Variants in PALS1 observed in about 807,000 individuals in gnomAD.
PALS1 encodes the protein protein PALS1.
A neutral mutation model predicts 78.9 loss-of-function variants in PALS1; 31 were observed. That is an observed-to-expected ratio of 0.39 (90% CI 0.30 to 0.53). The LOEUF is 0.53. Ranked by LOEUF, PALS1 falls within the 20% of genes least tolerant of loss-of-function variation. The probability of loss-of-function intolerance (pLI) is 0.67; values close to 1 mark genes in which losing one functional copy is unlikely to be tolerated. For missense variants in PALS1, 704 were observed against 826.5 expected (o/e 0.85, Z 1.82); for synonymous variants, 276 against 270.9 (o/e 1.02, Z -0.18).
intron 4 of PALS1, among the ~76,000 whole-genome samples, chr14:67,296,069 G>A (rs1240683222): frequency 2.6e-5 from 4 of 152,204 alleles, no homozygotes; most frequent in South Asian, 2.1e-4. Context: ...CAACAGCACC[G>A]AGATGTGCCT....
At chr14:67,298,730 A>G (rs1171471384) in intron 4 of PALS1, among the ~76,000 whole-genome samples, 1 of 152,192 alleles carries the variant, frequency 6.6e-6, no homozygotes, top group Non-Finnish European at 1.5e-5. Flanking sequence ...GTATTTTGAC[A>G]TATATGTACA....
At chr14:67,249,318 A>G (rs2140430759) in intron 1 of PALS1, among the ~76,000 whole-genome samples, 1 of 152,336 alleles carries the variant, frequency 6.6e-6, no homozygotes, top group South Asian at 2.1e-4. Flanking sequence ...AATTGTAGTA[A>G]TGTAGTAAAA....
intron 9 of PALS1, among the ~76,000 whole-genome samples, chr14:67,315,291 T>A (rs1283613621): frequency 6.8e-6 from 1 of 147,030 alleles, no homozygotes; most frequent in African/African-American, 2.5e-5. Context: ...TTTTTTTTTT[T>A]TTTGAGACAA....
At chr14:67,249,495 A>T (rs1273772050) in intron 1 of PALS1, among the ~76,000 whole-genome samples, 1 of 152,252 alleles carries the variant, frequency 6.6e-6, no homozygotes, top group African/African-American at 2.4e-5. Context: ...ATATTCACTT[A>T]TTCACTTTTT....
Position 67,258,650 on chromosome 14 carries a change from G to A in PALS1, c.-236-11051G>A, listed in dbSNP as rs193241479. Among the ~76,000 whole-genome samples the A allele has an allele frequency of 4.5e-4, 68 of 152,246 alleles. 2 individuals carry two copies. The highest frequency in any genetic ancestry group is 1.6e-3 in the African/African-American group (68 of 41,554). The stretch of plus-strand genomic sequence containing the variant: ...TTGCCCAGGCCGGTCTTGAACTCCT[G>A]GACTCAAGTGATCCACCTGCCTCGG... On this transcript the variant is annotated intron_variant, in intron 1 of 14. Coordinates refer to ENST00000261681, the MANE Select transcript of PALS1 (RefSeq NM_022474.4).
At chr14:67,320,522 T>C in intron 12 of PALS1, 125 bp downstream of exon 12, 1 of 880,632 alleles carries the variant, frequency 1.1e-6, no homozygotes, top group East Asian at 2.9e-5. Flanking sequence ...AAGAGGAACT[T>C]TAACCAAAGA....
intron 3 of PALS1, among the ~76,000 whole-genome samples, chr14:67,280,859 CCCTCCCTCCCTCCCTCCCTCCCT>C: frequency 7.7e-6 from 1 of 129,216 alleles, no homozygotes; most frequent in African/African-American, 2.9e-5. Flanking sequence ...TTCCTTCCCT[CCCTCCCTCCCTCCCTCCCTCCCT>C]TTTCTTTCTT....
rs36207191 is a variant in PALS1 at position 67,284,547 on chromosome 14, TAAAAAA to T, written c.367+5046_367+5051del. 0.014 allele frequency among the ~76,000 whole-genome samples: 324 copies of T among 23,290 alleles called. 20 individuals are homozygous for T. In the South Asian group the frequency reaches 0.21, roughly 15 times the overall value. The allele number at this position is 23,290 out of a possible 152,430, so 15.3% of individuals were successfully genotyped here. ...GCCCAGGAGATCGAGGCTGCAGTGCTAAAAAAAAAAAAAAAAAAAAAAAAAAAAAAA... is the reference window on the plus strand; with the variant it reads ...GCCCAGGAGATCGAGGCTGCAGTGCTAAAAAAAAAAAAAAAAAAAAAAAAA... On this transcript the variant is annotated intron_variant, in intron 3 of 14. Coordinates refer to ENST00000261681, the MANE Select transcript of PALS1 (RefSeq NM_022474.4).
At chr14:67,269,914 C>G (rs2084383740) in intron 2 of PALS1, 131 bp downstream of exon 2, 1 of 152,276 alleles carries the variant, frequency 6.6e-6, no homozygotes, top group African/African-American at 2.4e-5. Context: ...TTCCCAGCTG[C>G]TGGTCAAAGG....
Position 67,323,789 on chromosome 14 carries a change from G to T in PALS1, c.1828G>T (p.Ala610Ser), listed in dbSNP as rs1215310510. 2.5e-6 allele frequency: 4 copies of T among 1,581,310 alleles called. 1 individual carries two copies. The highest frequency in any genetic ancestry group is 1.8e-5 in the Admixed American group (1 of 55,644). Residue 610 changes from alanine to serine, a missense_variant, in exon 14 of 15, where the codon GCC (alanine) becomes TCC (serine). Physicochemically the swap from Ala to Ser is moderately conservative, Grantham distance 99. Coordinates refer to ENST00000261681, the MANE Select transcript of PALS1 (RefSeq NM_022474.4). ...PSQERLRALL[A>S]KEGKNPKPEE... The stretch of plus-strand genomic sequence containing the variant: ...ACAAGAAAGACTTCGGGCATTATTG[G>T]CCAAAGAAGGCAAGAATCCAAAGGT...
chr14:67,320,105 C>G (rs1047132857), intron 11 of PALS1, 125 bp from the exon 12 acceptor site: 1 of 708,610 alleles, frequency 1.4e-6, no homozygotes, highest in Non-Finnish European at 2.2e-6. Context: ...TCATGATACC[C>G]TAGCAAGGAT....
chr14:67,299,482 A>G (rs1005130482), intron 4 of PALS1, among the ~76,000 whole-genome samples: 4 of 152,212 alleles, frequency 2.6e-5, no homozygotes, highest in African/African-American at 9.6e-5. Flanking sequence ...TTAGTTTTAA[A>G]ATACAAAAGG....
intron 14 of PALS1, among the ~76,000 whole-genome samples, chr14:67,324,353 CTT>C (rs1289438206): frequency 6.6e-6 from 1 of 152,100 alleles, no homozygotes; most frequent in East Asian, 1.9e-4. Context: ...ACAGCATTGA[CTT>C]TTTATTTAAA....
In PALS1 at chr14:67,321,068, A is replaced by C. The variant is rs2085255721; in HGVS notation, c.1549A>C (p.Ser517Arg). ...TTTTGTTTGCCTAGATACAACCCGG[A>C]GTAGGCGAGACCAAGAAGTAGCCGG... is the stretch of plus-strand genomic sequence containing the variant. ...FASAVPHTTR[S>R]RRDQEVAGRD... Residue 517 changes from serine (S) to arginine (R), a missense_variant, in exon 13 of 15, where the codon AGT becomes CGT. Physicochemically the swap from Ser to Arg is moderately radical, Grantham distance 110. Coordinates refer to ENST00000261681, the MANE Select transcript of PALS1 (RefSeq NM_022474.4). 6.2e-7 allele frequency: 1 copy of C among 1,614,026 alleles called. No individual in the cohort carries two copies.
intron 11 of PALS1, 84 bp from the exon 12 acceptor site, chr14:67,320,145 AT>A: frequency 1.5e-6 from 2 of 1,301,856 alleles, no homozygotes. Context: ...CTTTTGTCTA[AT>A]TTTGGGTGAA....
intron 3 of PALS1, among the ~76,000 whole-genome samples, chr14:67,284,995 C>T (rs2084664566): frequency 6.6e-6 from 1 of 152,042 alleles, no homozygotes; most frequent in African/African-American, 2.4e-5. Flanking sequence ...AAGTGATCCT[C>T]CCACCGTGGC....
At chr14:67,316,998 C>A in intron 10 of PALS1, 95 bp downstream of exon 10, 1 of 959,082 alleles carries the variant, frequency 1.0e-6, no homozygotes, top group Non-Finnish European at 1.6e-6. Flanking sequence ...AAGAAGTACT[C>A]AGGGAAAGAG....
chr14:67,270,179 C>A (rs1309891895), intron 2 of PALS1: 3 of 152,176 alleles, frequency 2.0e-5, no homozygotes, highest in Non-Finnish European at 4.4e-5. Context: ...TTCAGTCCCT[C>A]CAGTCTCAAT....
chr14:67,274,327 A>C (rs181236610), intron 2 of PALS1, among the ~76,000 whole-genome samples: 1,597 of 152,336 alleles, frequency 0.01, 25 homozygotes, highest in African/African-American at 0.035. Context: ...ATCCAGTTTC[A>C]GCTTTCTACA....
Sources: allele counts gnomAD v4.1 joint callset (sites outside exome capture counted in the v4.1 genomes callset), GRCh38; gene constraint gnomAD v4.1.1; transcripts MANE v1.5; gene names NCBI Gene and HGNC (gene_info 2026-07-23, HGNC 2026-07-21).